The following XYLT1 variants were observed in gnomAD, a reference collection of about 807,000 sequenced individuals.
XYLT1 encodes xylosyltransferase 1.
XYLT1 carries 36 observed loss-of-function variants against 91.3 expected under a neutral mutation model. The ratio of observed to expected loss-of-function variants is 0.39; its 90% CI spans 0.30 to 0.52. XYLT1 has a LOEUF of 0.52. Ranked by LOEUF, XYLT1 falls within the 20% of genes least tolerant of loss-of-function variation. XYLT1 has a pLI of 0.68. For synonymous variants in XYLT1, 588 were observed against 532.0 expected (o/e 1.11, Z -1.45); for missense variants, 1,242 against 1,284.5 (o/e 0.97, Z 0.51).
At chr16:17,319,744 G>A (rs1044162450) in intron 2 of XYLT1, among the ~76,000 whole-genome samples, 15 of 152,004 alleles carry the variant, frequency 9.9e-5, no homozygotes, top group Admixed American at 5.2e-4. Flanking sequence ...CCCCGCCCAG[G>A]AACATCTCAT....
intron 3 of XYLT1, among the ~76,000 whole-genome samples, chr16:17,218,151 G>T (rs550745680): frequency 6.6e-6 from 1 of 151,774 alleles, no homozygotes; most frequent in African/African-American, 2.4e-5. Flanking sequence ...TCAGCTACTC[G>T]GGAGGCTGAG....
chr16:17,206,619 C>G (rs532021384), intron 3 of XYLT1, among the ~76,000 whole-genome samples: 175 of 152,242 alleles, frequency 1.1e-3, no homozygotes, highest in Middle Eastern at 3.4e-3. Context: ...GTCTGTAATT[C>G]CAGCTACCCT....
intron 5 of XYLT1, among the ~76,000 whole-genome samples, chr16:17,161,718 TCACTC>T (rs2031559888): frequency 6.6e-6 from 1 of 150,620 alleles, no homozygotes; most frequent in African/African-American, 2.4e-5. Context: ...CACACGTTTC[TCACTC>T]TCTTTTTCTG....
intron 3 of XYLT1, among the ~76,000 whole-genome samples, chr16:17,230,920 C>T (rs969325860): frequency 5.9e-5 from 9 of 152,278 alleles, no homozygotes; most frequent in African/African-American, 2.2e-4. Context: ...AGGCCAAAGG[C>T]ATCCAAGGGG....
chr16:17,351,262 C>T (rs1370227854), intron 2 of XYLT1, among the ~76,000 whole-genome samples: 1 of 152,022 alleles, frequency 6.6e-6, no homozygotes, highest in Admixed American at 6.6e-5. Flanking sequence ...TGCCTGTAAT[C>T]CCAGCACTTT....
At chr16:17,240,228 C>T (rs767959578) in intron 3 of XYLT1, among the ~76,000 whole-genome samples, 2 of 152,172 alleles carry the variant, frequency 1.3e-5, no homozygotes, top group Non-Finnish European at 2.9e-5. Context: ...CCTTCAGCTA[C>T]AGTCTGCTTT....
intron 1 of XYLT1, among the ~76,000 whole-genome samples, chr16:17,435,425 T>C (rs1256349125): frequency 6.6e-6 from 1 of 152,156 alleles, no homozygotes; most frequent in Non-Finnish European, 1.5e-5. Flanking sequence ...ATCCATTATC[T>C]GGTCACTTTC....
chr16:17,128,721 T>C (rs2030351182), intron 9 of XYLT1, among the ~76,000 whole-genome samples: 1 of 152,122 alleles, frequency 6.6e-6, no homozygotes, highest in Non-Finnish European at 1.5e-5. Flanking sequence ...ACTTGCTGGC[T>C]GAAAAGGGCA....
chr16:17,461,220 CAG>C (rs2036816877), intron 1 of XYLT1, among the ~76,000 whole-genome samples: 2 of 152,196 alleles, frequency 1.3e-5, no homozygotes, highest in African/African-American at 4.8e-5. Context: ...TCTGGGATGG[CAG>C]AGACCTCAGG....
chr16:17,248,264 T>C (rs547100472), intron 3 of XYLT1, among the ~76,000 whole-genome samples: 1 of 152,344 alleles, frequency 6.6e-6, no homozygotes, highest in South Asian at 2.1e-4. Flanking sequence ...GCCATGATTT[T>C]GAGGCCTCCT....
At chr16:17,407,774 T>C (rs763703663) in intron 1 of XYLT1, among the ~76,000 whole-genome samples, 13 of 152,232 alleles carry the variant, frequency 8.5e-5, no homozygotes, top group Non-Finnish European at 1.6e-4. Context: ...TGCTATGGCT[T>C]AGATGTGTGT....
At chr16:17,223,360 G>T (rs2033006112) in intron 3 of XYLT1, among the ~76,000 whole-genome samples, 1 of 152,280 alleles carries the variant, frequency 6.6e-6, no homozygotes, top group Non-Finnish European at 1.5e-5. Context: ...GGGCAGAGCA[G>T]TAGGGCAATC....
Position 17,108,613 on chromosome 16 carries a change from G to A in XYLT1, c.*82C>T. 7.3e-7 allele frequency: 1 copy of A among 1,372,520 alleles called. No individual in the cohort carries two copies. The highest frequency in any genetic ancestry group is 9.7e-7 in the Non-Finnish European group (1 of 1,034,926). The allele number at this position is 1,372,520 out of a possible 1,614,324, so 85.0% of individuals were successfully genotyped here. On this transcript the variant is annotated 3_prime_UTR_variant, in exon 12 of 12. Coordinates refer to ENST00000261381, the MANE Select transcript of XYLT1 (RefSeq NM_022166.4). ...TTCACAGAGGGCCTCCCCCAGGGTG[G>A]GAGGCCGGGGTTCAGGCCCCACAAC...
At chr16:17,134,438 T>TCAGCTCTCCTCTCTGCATC in intron 9 of XYLT1, 35 bp downstream of exon 9, 1 of 1,608,780 alleles carries the variant, frequency 6.2e-7, no homozygotes, top group Non-Finnish European at 8.5e-7. Context: ...CTCCTGCTTC[T>TCAGCTCTCCTCTCTGCATC]CAGCTCTCCT....
At chr16:17,447,203 C>T (rs2036604047) in intron 1 of XYLT1, among the ~76,000 whole-genome samples, 2 of 152,164 alleles carry the variant, frequency 1.3e-5, no homozygotes, top group Non-Finnish European at 2.9e-5. Flanking sequence ...CCTCTCTTCC[C>T]TAAGACCCTC....
intron 1 of XYLT1, among the ~76,000 whole-genome samples, chr16:17,381,886 G>T (rs1456141257): frequency 6.6e-6 from 1 of 152,016 alleles, no homozygotes; most frequent in Non-Finnish European, 1.5e-5. Flanking sequence ...ACTAACAGTG[G>T]CAATGGATGT....
In XYLT1 at chr16:17,148,715, T is replaced by A. The variant is rs186879234; in HGVS notation, c.1371-7346A>T. ...TAAATGCAGGTCTAGCTGGATCCAATGCAAGCTCTTAACTACTCTGCCATC... is the reference window on the plus strand; with the variant it reads ...TAAATGCAGGTCTAGCTGGATCCAAAGCAAGCTCTTAACTACTCTGCCATC... On this transcript the variant is annotated intron_variant, in intron 6 of 11. Coordinates refer to ENST00000261381, the MANE Select transcript of XYLT1 (RefSeq NM_022166.4). Among the ~76,000 whole-genome samples, 9 of 152,322 alleles carry A rather than the reference T, an allele frequency of 5.9e-5. No individual in the cohort carries two copies. In the East Asian group the frequency reaches 1.4e-3, roughly 23 times the overall value.
chr16:17,135,510 A>T (rs572729196), intron 8 of XYLT1, among the ~76,000 whole-genome samples: 1 of 149,104 alleles, frequency 6.7e-6, no homozygotes, highest in East Asian at 2.0e-4. Context: ...ACAGAACAAG[A>T]CTCTGTCTCA....
chr16:17,139,072 A>C (rs1262096642), intron 7 of XYLT1, among the ~76,000 whole-genome samples: 1 of 152,120 alleles, frequency 6.6e-6, no homozygotes, highest in Non-Finnish European at 1.5e-5. Flanking sequence ...TTTCTCCCTA[A>C]TCCCAGGATT....
Sources: gnomAD v4.1 joint callset for allele counts (sites outside exome capture counted in the v4.1 genomes callset) on GRCh38, gnomAD v4.1.1 for gene constraint, MANE v1.5 for transcripts, NCBI Gene and HGNC (gene_info 2026-07-23, HGNC 2026-07-21) for gene names.